Variants in DEUP1 observed in about 807,000 individuals in gnomAD.
DEUP1 encodes deuterosome assembly protein 1, also known as coiled-coil domain containing 67.
In DEUP1, 82 loss-of-function variants were observed where a neutral mutation model predicts 87.4. The observed-to-expected ratio is 0.94, with a 90% confidence interval of 0.78 to 1.13. The LOEUF is 1.13. Among genes scored for constraint, DEUP1 ranks in the 50% most tolerant of loss-of-function variants. The pLI is 0.00. For synonymous variants in DEUP1, 214 were observed against 222.7 expected (o/e 0.96, Z 0.35); for missense variants, 663 against 681.5 (o/e 0.97, Z 0.30).
intron 9 of DEUP1, among the ~76,000 whole-genome samples, chr11:93,390,566 T>C (rs1157943367): frequency 1.3e-5 from 2 of 152,180 alleles, no homozygotes; most frequent in Admixed American, 1.3e-4. Flanking sequence ...CAGTGAATGA[T>C]AAAAGATTGG....
chr11:93,376,903 TAATTTCCATG>T (rs1946067723), intron 7 of DEUP1, among the ~76,000 whole-genome samples: 1 of 152,218 alleles, frequency 6.6e-6, no homozygotes, highest in African/African-American at 2.4e-5. Context: ...GCAGGTTATT[TAATTTCCATG>T]TATTTGCATG....
intron 12 of DEUP1, among the ~76,000 whole-genome samples, chr11:93,414,438 C>G (rs953877405): frequency 2.0e-5 from 3 of 151,986 alleles, no homozygotes; most frequent in South Asian, 2.1e-4. Context: ...ACCTGGGAGG[C>G]GGAGGTTGCA....
rs547123438 is a variant in DEUP1, at chr11:93,406,335, G to A, written c.1327-1896G>A. 8.6e-5 allele frequency among the ~76,000 whole-genome samples: 13 copies of A among 151,928 alleles called. No individual in the cohort carries two copies. The East Asian group carries it at 1.5e-3, about 18-fold the overall frequency. Reference sequence around the variant, plus strand: ...AGATGGAATGATCTGGAATCAGACCGCAATCTATATTAATTTAGTATATAA... The same window carrying A: ...AGATGGAATGATCTGGAATCAGACCACAATCTATATTAATTTAGTATATAA... On this transcript the variant is annotated intron_variant, in intron 11 of 13. Transcript: ENST00000298050.
intron 2 of DEUP1, among the ~76,000 whole-genome samples, chr11:93,341,494 T>TAGCC (rs1472140750): frequency 2.0e-5 from 3 of 152,164 alleles, no homozygotes; most frequent in Non-Finnish European, 4.4e-5. Flanking sequence ...AACAAACTAA[T>TAGCC]ACAGGCAGGT....
chr11:93,420,539 C>T (rs1278182572), intron 13 of DEUP1, among the ~76,000 whole-genome samples: 1 of 147,268 alleles, frequency 6.8e-6, no homozygotes, highest in African/African-American at 2.5e-5. Flanking sequence ...TCCTATTCAA[C>T]ATAGTGTTGG....
intron 7 of DEUP1, among the ~76,000 whole-genome samples, chr11:93,372,366 T>C (rs886217604): frequency 2.0e-5 from 3 of 152,142 alleles, no homozygotes; most frequent in Non-Finnish European, 4.4e-5. Context: ...TTCCCCACTC[T>C]ATTCCCTCGT....
intron 2 of DEUP1, among the ~76,000 whole-genome samples, chr11:93,337,132 C>T (rs768447969): frequency 2.0e-5 from 3 of 152,150 alleles, no homozygotes; most frequent in Non-Finnish European, 4.4e-5. Flanking sequence ...TCATTATTTT[C>T]AAAGAACCAA....
chr11:93,364,507 A>G (rs1226503867), intron 5 of DEUP1, among the ~76,000 whole-genome samples: 2 of 151,810 alleles, frequency 1.3e-5, no homozygotes, highest in African/African-American at 4.8e-5. Context: ...TCTTTTGCAT[A>G]TATCAGCATT....
At chr11:93,343,164 C>T (rs1259234875) in intron 2 of DEUP1, among the ~76,000 whole-genome samples, 1 of 152,128 alleles carries the variant, frequency 6.6e-6, no homozygotes, top group Non-Finnish European at 1.5e-5. Context: ...TCTGACATTC[C>T]AAAAGCAGTA....
At chr11:93,349,093 T>G (rs1944503417) in intron 2 of DEUP1, among the ~76,000 whole-genome samples, 1 of 152,150 alleles carries the variant, frequency 6.6e-6, no homozygotes, top group Admixed American at 6.6e-5. Context: ...CCCGCATATA[T>G]TCATCAGTCT....
intron 5 of DEUP1, among the ~76,000 whole-genome samples, chr11:93,366,762 AC>A (rs1250817802): frequency 2.6e-5 from 4 of 152,180 alleles, no homozygotes; most frequent in Non-Finnish European, 5.9e-5. Context: ...TGCCTCTAAA[AC>A]ATCCTGGGGA....
At position 93,355,398 on chromosome 11, in the gene DEUP1, G is replaced by C; in HGVS notation, c.57G>C (p.Gln19His). The change falls in exon 3 of 14, where the codon CAG becomes CAC. Residue 19 changes from glutamine to histidine, a missense_variant. Coordinates refer to ENST00000298050, the MANE Select transcript of DEUP1 (RefSeq NM_181645.4). ...CTTCTCCTTGTGAGGCTGAGCTTCA[G>C]GAATTAATGGAACAAATTGACATCA... Reference protein sequence around the residue: ...MGTSPCEAELQELMEQIDIMV... With the variant: ...MGTSPCEAELHELMEQIDIMV... 6.2e-7 allele frequency: 1 copy of C among 1,613,498 alleles called. No homozygotes were observed. The highest frequency in any genetic ancestry group is 8.5e-7 in the Non-Finnish European group (1 of 1,179,666).
chr11:93,437,491 A>G, intron 13 of DEUP1, 52 bp from the exon 14 acceptor site: 1 of 1,432,040 alleles, frequency 7.0e-7, no homozygotes, highest in Non-Finnish European at 9.5e-7. Context: ...AAATGGGAAG[A>G]TTTTTTAAAG....
intron 7 of DEUP1, among the ~76,000 whole-genome samples, chr11:93,384,350 T>C (rs1946437644): frequency 1.3e-5 from 2 of 152,222 alleles, no homozygotes; most frequent in African/African-American, 4.8e-5. Flanking sequence ...TAATATCCCC[T>C]TAGCTAAATG....
At chr11:93,429,737 A>C (rs574786581) in intron 13 of DEUP1, among the ~76,000 whole-genome samples, 1 of 152,308 alleles carries the variant, frequency 6.6e-6, no homozygotes, top group African/African-American at 2.4e-5. Context: ...CAGCACTAGT[A>C]GGCACATAAA....
At chr11:93,365,977 CAT>C (rs1438193245) in intron 5 of DEUP1, among the ~76,000 whole-genome samples, 12 of 152,192 alleles carry the variant, frequency 7.9e-5, no homozygotes, top group African/African-American at 2.7e-4. Flanking sequence ...TTGCCTGACT[CAT>C]GTGTTTGCCC....
chr11:93,359,023 A>C lies in DEUP1; in HGVS notation c.297+1980A>C, dbSNP rs760164604. On this transcript the variant is annotated intron_variant, in intron 4 of 13. Transcript: ENST00000298050. The stretch of plus-strand genomic sequence containing the variant: ...GCTTCTCTTTTTCTCTAGTTAAAAG[A>C]AAAAGAGGAAGAAAGGGAAGGAGAG... 3.7e-4 allele frequency among the ~76,000 whole-genome samples: 56 copies of C among 152,232 alleles called. 2 individuals are homozygous for C. Among genetic ancestry groups the C allele is most frequent in the Non-Finnish European group, 1.8e-4 (12 of 68,044 alleles).
At chr11:93,361,052 A>G (rs1945154188) in intron 4 of DEUP1, among the ~76,000 whole-genome samples, 1 of 152,164 alleles carries the variant, frequency 6.6e-6, no homozygotes, top group Non-Finnish European at 1.5e-5. Flanking sequence ...GGAAGCAGCA[A>G]GAGAGAAATG....
intron 11 of DEUP1, among the ~76,000 whole-genome samples, chr11:93,406,096 C>T (rs1429394529): frequency 6.6e-6 from 1 of 151,828 alleles, no homozygotes; most frequent in Non-Finnish European, 1.5e-5. Flanking sequence ...AGTTTAGATA[C>T]TCCCTAGGAA....
Sources: gnomAD v4.1 joint callset for allele counts (sites outside exome capture counted in the v4.1 genomes callset) on GRCh38, gnomAD v4.1.1 for gene constraint, MANE v1.5 for transcripts, NCBI Gene and HGNC (gene_info 2026-07-23, HGNC 2026-07-21) for gene names.